The following ROBO1 variants were observed in gnomAD, a reference collection of about 807,000 sequenced individuals.
ROBO1 encodes roundabout guidance receptor 1, also known as roundabout homolog 1.
In ROBO1, 149 loss-of-function variants were observed where a neutral mutation model predicts 195.9. The ratio of observed to expected loss-of-function variants is 0.76; its 90% CI spans 0.67 to 0.87. The LOEUF (loss-of-function observed/expected upper bound fraction) is 0.87. Among genes scored for constraint, ROBO1 ranks in the 40% least tolerant of loss-of-function variants. The pLI, the probability that ROBO1 is intolerant of heterozygous loss-of-function variation, is 0.00. For synonymous variants in ROBO1, 816 were observed against 733.2 expected (o/e 1.11, Z -1.82); for missense variants, 1,933 against 2,068.3 (o/e 0.93, Z 1.27).
At chr3:79,426,778 T>C (rs904718106) in intron 2 of ROBO1, among the ~76,000 whole-genome samples, 4 of 152,138 alleles carry the variant, frequency 2.6e-5, no homozygotes, top group African/African-American at 7.2e-5. Flanking sequence ...CCATCTAAGG[T>C]AACTTGAGAA....
intron 4 of ROBO1, among the ~76,000 whole-genome samples, chr3:78,896,764 C>T (rs1012113174): frequency 6.6e-6 from 1 of 151,182 alleles, no homozygotes; most frequent in African/African-American, 2.4e-5. Flanking sequence ...ATTTCATCAG[C>T]GCTTTGAAAA....
At chr3:78,804,868 TATTGG>T (rs1015944710) in intron 4 of ROBO1, among the ~76,000 whole-genome samples, 2 of 152,102 alleles carry the variant, frequency 1.3e-5, no homozygotes, top group Non-Finnish European at 2.9e-5. Context: ...TTCCAGTGTC[TATTGG>T]TTGGGTTCAT....
At chr3:78,912,174 G>T (rs184799655) in intron 4 of ROBO1, among the ~76,000 whole-genome samples, 1 of 152,112 alleles carries the variant, frequency 6.6e-6, no homozygotes, top group East Asian at 1.9e-4. Context: ...TAAGCAGAAT[G>T]ATTTTAATTA....
chr3:79,559,705 T>A (rs1576024288), intron 2 of ROBO1, among the ~76,000 whole-genome samples: 1 of 151,864 alleles, frequency 6.6e-6, no homozygotes, highest in Non-Finnish European at 1.5e-5. Flanking sequence ...GATTACGAGG[T>A]CAGGATTTCG....
At chr3:78,662,244 G>GAAAA in intron 14 of ROBO1, 130 bp from the exon 15 acceptor site, 2 of 423,930 alleles carry the variant, frequency 4.7e-6, no homozygotes, top group Non-Finnish European at 7.7e-6. Flanking sequence ...CTGTGATTCG[G>GAAAA]AAAAAAAAAA....
chr3:78,682,552 G>A (rs1361146744), intron 10 of ROBO1, among the ~76,000 whole-genome samples: 1 of 147,104 alleles, frequency 6.8e-6, no homozygotes, highest in Non-Finnish European at 1.5e-5. Flanking sequence ...TAGTATATAT[G>A]TGTGTATATG....
At chr3:79,455,772 G>C (rs77413684) in intron 2 of ROBO1, among the ~76,000 whole-genome samples, 5,231 of 152,150 alleles carry the variant, frequency 0.034, 208 homozygotes, top group African/African-American at 0.098. Flanking sequence ...TGAAGTCTAA[G>C]TGGTAACAAC....
At chr3:79,459,893 ATGG>A (rs927940685) in intron 2 of ROBO1, among the ~76,000 whole-genome samples, 10 of 152,162 alleles carry the variant, frequency 6.6e-5, no homozygotes, top group African/African-American at 2.4e-4. Flanking sequence ...GCCATTACAA[ATGG>A]TGGTTACAAA....
intron 27 of ROBO1, among the ~76,000 whole-genome samples, chr3:78,615,719 A>G (rs1470825535): frequency 1.3e-5 from 2 of 152,224 alleles, no homozygotes; most frequent in Non-Finnish European, 2.9e-5. Flanking sequence ...ATGGACCGCG[A>G]CAACATGTCT....
At chr3:78,660,813 C>T (rs1269563754) in intron 16 of ROBO1, 1 of 453,308 alleles carries the variant, frequency 2.2e-6, no homozygotes, top group Non-Finnish European at 3.9e-6. Context: ...CACATTTACA[C>T]ATTTGAGGTA....
chr3:78,971,619 C>A (rs1454748175), intron 3 of ROBO1, among the ~76,000 whole-genome samples: 1 of 152,198 alleles, frequency 6.6e-6, no homozygotes, highest in Non-Finnish European at 1.5e-5. Flanking sequence ...CCCTGATATA[C>A]CTCTAACCTG....
At chr3:79,700,421 C>T (rs1210448585) in intron 1 of ROBO1, among the ~76,000 whole-genome samples, 1 of 151,008 alleles carries the variant, frequency 6.6e-6, no homozygotes, top group African/African-American at 2.4e-5. Flanking sequence ...AATGATAGTT[C>T]CGTTTCAAGT....
chr3:79,103,202 C>T (rs890194497), intron 3 of ROBO1, among the ~76,000 whole-genome samples: 1 of 151,714 alleles, frequency 6.6e-6, no homozygotes, highest in African/African-American at 2.4e-5. Flanking sequence ...CAATGTTAAA[C>T]ATTCATATGG....
chr3:78,992,919 A>G (rs1363217884), intron 3 of ROBO1, among the ~76,000 whole-genome samples: 1 of 152,180 alleles, frequency 6.6e-6, no homozygotes, highest in African/African-American at 2.4e-5. Flanking sequence ...AAGCAGCAGT[A>G]AGGACAAAAG....
intron 1 of ROBO1, among the ~76,000 whole-genome samples, chr3:79,606,990 T>A (rs1944506139): frequency 6.6e-6 from 1 of 151,860 alleles, no homozygotes; most frequent in Non-Finnish European, 1.5e-5. Context: ...CCCATGATTG[T>A]CCTTACTGAG....
At position 79,190,226 on chromosome 3, in the gene ROBO1, CTT is replaced by C. The variant is rs529043800; in HGVS notation, c.89-64689_89-64688del. Among the ~76,000 whole-genome samples, 309 of 151,702 alleles carry C rather than the reference CTT, an allele frequency of 2.0e-3. 1 individual carries two copies. The highest frequency in any genetic ancestry group is 0.014 in the Middle Eastern group (4 of 294). On this transcript the variant is annotated intron_variant, in intron 2 of 30. Transcript: ENST00000464233. ...CACATAGAATTCTAGAAATGCCTCT[CTT>C]TGGGCTACAGAAATGAGGATCCCTT...
chr3:79,260,571 AG>A (rs1309029655), intron 2 of ROBO1, among the ~76,000 whole-genome samples: 1 of 152,206 alleles, frequency 6.6e-6, no homozygotes, highest in African/African-American at 2.4e-5. Flanking sequence ...AGTTTAGCTT[AG>A]ACCTTACTTA....
chr3:78,757,481 T>G (rs1336438675), intron 4 of ROBO1, among the ~76,000 whole-genome samples: 1 of 151,628 alleles, frequency 6.6e-6, no homozygotes, highest in East Asian at 1.9e-4. Flanking sequence ...TTCTTTACCC[T>G]CTCAAGCCCA....
intron 18 of ROBO1, among the ~76,000 whole-genome samples, chr3:78,656,872 C>T (rs770097178): frequency 3.9e-5 from 6 of 152,092 alleles, no homozygotes; most frequent in African/African-American, 9.7e-5. Context: ...GAGATATCTA[C>T]GTCCATATAT....
Sources: gnomAD v4.1 joint callset for allele counts (sites outside exome capture counted in the v4.1 genomes callset) on GRCh38, gnomAD v4.1.1 for gene constraint, MANE v1.5 for transcripts, NCBI Gene and HGNC (gene_info 2026-07-23, HGNC 2026-07-21) for gene names.